CARMIL1: variants seen among roughly 807,000 people sequenced by gnomAD.
CARMIL1 encodes F-actin-uncapping protein LRRC16A.
Under a neutral mutation model 177.1 loss-of-function variants are expected in CARMIL1, and 90 were observed. The observed-to-expected ratio is 0.51, with a 90% CI of 0.43 to 0.61. The LOEUF (loss-of-function observed/expected upper bound fraction) is 0.61, where lower values mean the gene tolerates loss of function less well. CARMIL1 is among the 20% of genes least tolerant of loss of function. CARMIL1 has a pLI of 0.00. For missense variants in CARMIL1, 1,380 were observed against 1,667.0 expected, an observed-to-expected ratio of 0.83 and a Z score of 3.00; for synonymous variants, 577 against 606.2, an observed-to-expected ratio of 0.95 and a Z score of 0.71.
intron 28 of CARMIL1, among the ~76,000 whole-genome samples, chr6:25,556,032 G>T (rs1055998147): frequency 2.0e-5 from 3 of 152,122 alleles, no homozygotes; most frequent in African/African-American, 7.2e-5. Flanking sequence ...TCTTCAAAAT[G>T]AAACCTTGGT....
At chr6:25,466,575 T>C (rs186432447) in intron 9 of CARMIL1, among the ~76,000 whole-genome samples, 1 of 152,322 alleles carries the variant, frequency 6.6e-6, no homozygotes, top group Admixed American at 6.5e-5. Context: ...AACTCTCTGG[T>C]GTTTGTTATG....
At chr6:25,495,036 TCA>T in intron 15 of CARMIL1, 73 bp from the exon 16 acceptor site, 5 of 799,358 alleles carry the variant, frequency 6.3e-6, no homozygotes, top group Non-Finnish European at 1.0e-5. Flanking sequence ...TTTGTAGATT[TCA>T]CAGTGTCTGA....
intron 36 of CARMIL1, among the ~76,000 whole-genome samples, chr6:25,617,028 G>T (rs939037446): frequency 6.6e-6 from 1 of 152,120 alleles, no homozygotes; most frequent in Non-Finnish European, 1.5e-5. Context: ...ATCAATGGAG[G>T]TGAATATATT....
rs568930398 is a variant in CARMIL1 at position 25,383,877 on chromosome 6, C to T, written c.139-36237C>T. On this transcript the variant is annotated intron_variant, in intron 2 of 36. Transcript: ENST00000329474. ...TTTTTGAGGTGGAGTCTCGCTCTGT[C>T]GCCCAGGCTAGAGTGCAGTGGTGTG... 2.0e-4 allele frequency among the ~76,000 whole-genome samples: 31 copies of T among 152,236 alleles called. No individual in the cohort carries two copies. The South Asian group carries it at 5.2e-3, about 25-fold the overall frequency.
At chr6:25,321,215 T>G (rs1784649433) in intron 2 of CARMIL1, among the ~76,000 whole-genome samples, 1 of 152,230 alleles carries the variant, frequency 6.6e-6, no homozygotes, top group African/African-American at 2.4e-5. Flanking sequence ...ATGTGATCCT[T>G]TAATATTTTT....
At chr6:25,291,191 T>G (rs778716231) in intron 2 of CARMIL1, among the ~76,000 whole-genome samples, 10 of 152,170 alleles carry the variant, frequency 6.6e-5, no homozygotes, top group Admixed American at 2.0e-4. Context: ...TGGATTGGAG[T>G]AACTATAAGT....
chr6:25,492,232 C>G (rs1399551515), intron 15 of CARMIL1, among the ~76,000 whole-genome samples: 1 of 152,246 alleles, frequency 6.6e-6, no homozygotes, highest in South Asian at 2.1e-4. Context: ...ATAATTCTAG[C>G]CTGCCTGCGT....
chr6:25,566,512 T>A (rs2151205528), intron 29 of CARMIL1, among the ~76,000 whole-genome samples: 1 of 152,356 alleles, frequency 6.6e-6, no homozygotes, highest in East Asian at 1.9e-4. Flanking sequence ...CCAGTGTTTC[T>A]TTCTCAGAAG....
In CARMIL1 at chr6:25,607,457, G is replaced by A. The variant is rs1439912899; in HGVS notation, c.3847+1184G>A. Reference sequence around the variant, plus strand: ...ATGAACTCTCAATATCCTCGTCACTGCTCCATTTTACGGATGAGGAATATG... The same window carrying A: ...ATGAACTCTCAATATCCTCGTCACTACTCCATTTTACGGATGAGGAATATG... On this transcript the variant is annotated intron_variant, in intron 35 of 36. Transcript: ENST00000329474. 2.0e-4 allele frequency among the ~76,000 whole-genome samples: 30 copies of A among 152,096 alleles called. 1 individual carries two copies. Among genetic ancestry groups the A allele is most frequent in the Non-Finnish European group, 8.8e-5 (6 of 68,018 alleles).
At chr6:25,596,734 T>A (rs1485242530) in intron 32 of CARMIL1, among the ~76,000 whole-genome samples, 1 of 152,172 alleles carries the variant, frequency 6.6e-6, no homozygotes. Context: ...AAATTCAAAA[T>A]GTTCCAATGA....
At chr6:25,430,839 G>T (rs190572139) in intron 4 of CARMIL1, among the ~76,000 whole-genome samples, 1,632 of 152,150 alleles carry the variant, frequency 0.011, 18 homozygotes, top group Middle Eastern at 0.017. Flanking sequence ...TAAGAAATTT[G>T]TTTATTTTAT....
chr6:25,449,544 TTTAA>T (rs1179849723), intron 5 of CARMIL1, among the ~76,000 whole-genome samples: 1 of 152,262 alleles, frequency 6.6e-6, no homozygotes, highest in East Asian at 1.9e-4. Context: ...AGATTTTTAC[TTTAA>T]TTAATTGAAA....
chr6:25,297,912 G>C (rs1164847696), intron 2 of CARMIL1, among the ~76,000 whole-genome samples: 1 of 152,114 alleles, frequency 6.6e-6, no homozygotes, highest in East Asian at 1.9e-4. Context: ...TTCAGGAATG[G>C]CTTCTTTTTT....
intron 5 of CARMIL1, among the ~76,000 whole-genome samples, chr6:25,448,009 G>A (rs9295660): frequency 0.032 from 4,932 of 152,210 alleles, 186 homozygotes; most frequent in African/African-American, 0.096. Context: ...CATTTTGGCT[G>A]CTGAGGGCTG....
In CARMIL1 at chr6:25,364,578, T is replaced by C. The variant is rs568450691; in HGVS notation, c.139-55536T>C. 3.9e-5 allele frequency among the ~76,000 whole-genome samples: 6 copies of C among 152,264 alleles called. No individual in the cohort carries two copies. In the South Asian group the frequency reaches 1.0e-3, roughly 26 times the overall value. On this transcript the variant is annotated intron_variant, in intron 2 of 36. Transcript: ENST00000329474. Reference sequence around the variant, plus strand: ...ATTCTTTTTTCTTTTTCTTCTTTTTTTTGAGACAGAGTTTCTGTCTTGTCA... The same window carrying C: ...ATTCTTTTTTCTTTTTCTTCTTTTTCTTGAGACAGAGTTTCTGTCTTGTCA...
chr6:25,491,005 T>C (rs1803173521), intron 13 of CARMIL1, among the ~76,000 whole-genome samples: 1 of 152,230 alleles, frequency 6.6e-6, no homozygotes, highest in Non-Finnish European at 1.5e-5. Flanking sequence ...TGGACTCAGC[T>C]TGTTATGGGT....
intron 18 of CARMIL1, 23 bp from the exon 19 acceptor site, chr6:25,510,484 C>G: frequency 7.4e-7 from 1 of 1,346,610 alleles, no homozygotes; most frequent in Non-Finnish European, 1.0e-6. Context: ...TTTTGATGTT[C>G]TACTTACTCT....
At chr6:25,580,084 G>T (rs1031839900) in intron 29 of CARMIL1, among the ~76,000 whole-genome samples, 1 of 152,094 alleles carries the variant, frequency 6.6e-6, no homozygotes, top group African/African-American at 2.4e-5. Flanking sequence ...GAAGGATGCT[G>T]GCCTGACCCT....
intron 33 of CARMIL1, among the ~76,000 whole-genome samples, chr6:25,601,133 C>T (rs1261286294): frequency 1.3e-5 from 2 of 152,032 alleles, no homozygotes; most frequent in Non-Finnish European, 2.9e-5. Flanking sequence ...GTGTTTTTGC[C>T]CTCGCTGGGT....
Sources: allele counts gnomAD v4.1 joint callset (sites outside exome capture counted in the v4.1 genomes callset), GRCh38; gene constraint gnomAD v4.1.1; transcripts MANE v1.5; gene names NCBI Gene and HGNC (gene_info 2026-07-23, HGNC 2026-07-21).